The following ZBTB1 variants were observed in gnomAD, a reference collection of about 807,000 sequenced individuals.
ZBTB1 encodes zinc finger and BTB domain-containing protein 1.
A neutral mutation model predicts 51.6 loss-of-function variants in ZBTB1; 13 were observed. That is an observed-to-expected ratio of 0.25 (90% confidence interval 0.16 to 0.40). The LOEUF is 0.40. Among genes scored for constraint, ZBTB1 ranks in the 10% least tolerant of loss-of-function variants. The pLI is 1.00. For synonymous variants in ZBTB1, 240 were observed against 282.2 expected (o/e 0.85, Z 1.50); for missense variants, 567 against 856.5 (o/e 0.66, Z 4.22).
chr14:64,521,300 G>C (rs2079857821), intron 1 of ZBTB1, among the ~76,000 whole-genome samples, 187 bp from the exon 2 acceptor site: 1 of 152,054 alleles, frequency 6.6e-6, no homozygotes, highest in African/African-American at 2.4e-5. Flanking sequence ...TGAATAAATG[G>C]CTGGATGTCT....
At chr14:64,504,680 G>A, upstream of ZBTB1, 1 of 357,492 alleles carries the variant, frequency 2.8e-6, no homozygotes. Context: ...ACGCCGCAGC[G>A]AACTGGTGGG....
chr14:64,506,521 G>A (rs1194252948), intron 1 of ZBTB1, among the ~76,000 whole-genome samples: 1 of 152,148 alleles, frequency 6.6e-6, no homozygotes, highest in Non-Finnish European at 1.5e-5. Flanking sequence ...CAACAAGAGC[G>A]AGACTCTGTC....
chr14:64,524,619 C>T lies in ZBTB1; in HGVS notation c.*973C>T, dbSNP rs905990200. ...AAAGCTTCCATGTATATTGATAAAT[C>T]TAATAAAATAAAGAGATCAATTATA... On this transcript the variant is annotated 3_prime_UTR_variant, in exon 2 of 2. Transcript: ENST00000683701. The T allele has an allele frequency of 6.1e-6, 6 of 981,614 alleles. No individual in the cohort carries two copies. Among genetic ancestry groups the T allele is most frequent in the Non-Finnish European group, 7.3e-6 (6 of 826,716 alleles). 60.8% of individuals were successfully genotyped at this position (981,614 alleles called of 1,614,324 possible).
At chr14:64,520,484 T>G (rs2079849515) in intron 1 of ZBTB1, among the ~76,000 whole-genome samples, 1 of 152,066 alleles carries the variant, frequency 6.6e-6, no homozygotes. Flanking sequence ...GGCTAATGTT[T>G]TTTTGTTTTG....
At chr14:64,531,133 A>G (rs976329634) in intron 2 of ZBTB1, among the ~76,000 whole-genome samples, 6 of 152,226 alleles carry the variant, frequency 3.9e-5, no homozygotes, top group African/African-American at 1.4e-4. Context: ...CCTTAAACTA[A>G]CTGCTCATAT....
chr14:64,521,229 G>C (rs2079857258), intron 1 of ZBTB1, among the ~76,000 whole-genome samples: 1 of 152,110 alleles, frequency 6.6e-6, no homozygotes, highest in South Asian at 2.1e-4. Context: ...TTCCCCCCAA[G>C]AGTTGTAATG....
downstream of ZBTB1, chr14:64,525,066 C>G: frequency 2.5e-6 from 1 of 394,072 alleles, no homozygotes; most frequent in East Asian, 1.6e-4. Context: ...AATAGCATTG[C>G]TCTTTTTGTT....
At chr14:64,518,266 T>G (rs771190755) in intron 1 of ZBTB1, 1 of 152,228 alleles carries the variant, frequency 6.6e-6, no homozygotes, top group Non-Finnish European at 1.5e-5. Context: ...TGTGCATACA[T>G]TGCTTTTTGT....
intron 1 of ZBTB1, among the ~76,000 whole-genome samples, chr14:64,507,109 A>G (rs1348457463): frequency 6.6e-6 from 1 of 152,188 alleles, no homozygotes; most frequent in East Asian, 1.9e-4. Context: ...TTTGGTGCAA[A>G]GGAGAGGAAA....
chr14:64,506,640 T>G (rs1157243682), intron 1 of ZBTB1, among the ~76,000 whole-genome samples: 2 of 152,252 alleles, frequency 1.3e-5, no homozygotes, highest in Non-Finnish European at 2.9e-5. Flanking sequence ...GAGTCTTCAG[T>G]TAACCTCTTA....
At chr14:64,519,727 A>G (rs1261545519) in intron 1 of ZBTB1, among the ~76,000 whole-genome samples, 3 of 151,446 alleles carry the variant, frequency 2.0e-5, no homozygotes, top group East Asian at 3.9e-4. Flanking sequence ...GCAGTTAGCT[A>G]TGATCATGCC....
chr14:64,508,495 A>C (rs1282604648), intron 1 of ZBTB1, among the ~76,000 whole-genome samples: 1 of 152,194 alleles, frequency 6.6e-6, no homozygotes, highest in Non-Finnish European at 1.5e-5. Flanking sequence ...GGAGGCTTAG[A>C]ATGTTCCAAA....
chr14:64,507,752 T>A lies in ZBTB1; in HGVS notation c.-19+2806T>A, dbSNP rs149502837. On this transcript the variant is annotated intron_variant, in intron 1 of 1. Transcript: ENST00000683701. ...TCATGGTGGGCTATTTTTCATACTT[T>A]GTTCATGTTAATGTTGTTGCCCAGC... Among the ~76,000 whole-genome samples the A allele has an allele frequency of 1.0e-2, 1,519 of 152,350 alleles. 21 individuals carry two copies. Among genetic ancestry groups the A allele is most frequent in the South Asian group, 0.066 (318 of 4,830 alleles).
rs1477557227 is a variant in ZBTB1 at position 64,522,494 on chromosome 14, G to A, written c.990G>A (p.Glu330=). The A allele has an allele frequency of 3.1e-6, 5 of 1,614,116 alleles. No homozygotes were observed. The highest frequency in any genetic ancestry group is 1.7e-5 in the Admixed American group (1 of 60,014). ...AERKRIIIKM[E]PEDIPTDELK... Reference sequence around the variant, plus strand: ...GGAAAAGGATTATTATTAAGATGGAGCCAGAAGATATTCCTACAGATGAAC... The same window carrying A: ...GGAAAAGGATTATTATTAAGATGGAACCAGAAGATATTCCTACAGATGAAC... Residue 330 remains glutamate, a synonymous_variant, in exon 2 of 2, where the codon GAG becomes GAA. Coordinates refer to ENST00000683701, the MANE Select transcript of ZBTB1 (RefSeq NM_001123329.2).
At position 64,522,266 on chromosome 14, in the gene ZBTB1, A is replaced by G; in HGVS notation, c.762A>G (p.Val254=). The stretch of plus-strand genomic sequence containing the variant: ...ACACAAGATCTTACCATAGAATAGT[A>G]GATATTAGAGATGGAAAAGACAGTA... ...YQNTRSYHRI[V]DIRDGKDSNI... Residue 254 remains valine (V), a synonymous_variant, in exon 2 of 2, where the codon GTA becomes GTG. Coordinates refer to ENST00000683701, the MANE Select transcript of ZBTB1 (RefSeq NM_001123329.2). 6.2e-7 allele frequency: 1 copy of G among 1,614,216 alleles called. No individual in the cohort carries two copies. Among genetic ancestry groups the G allele is most frequent in the African/African-American group, 1.3e-5 (1 of 75,072 alleles).
chr14:64,506,359 C>T (rs2079655606), intron 1 of ZBTB1, among the ~76,000 whole-genome samples: 1 of 152,138 alleles, frequency 6.6e-6, no homozygotes, highest in Non-Finnish European at 1.5e-5. Flanking sequence ...ATGGCGAAAC[C>T]CCATCTCTAC....
downstream of ZBTB1, among the ~76,000 whole-genome samples, chr14:64,528,029 A>G (rs1269201216): frequency 6.6e-6 from 1 of 151,942 alleles, no homozygotes; most frequent in Non-Finnish European, 1.5e-5. Context: ...TTTATATTCT[A>G]AAAAAAAGTA....
intron 1 of ZBTB1, 82 bp downstream of exon 1, chr14:64,505,028 CGG>C (rs2079620895): frequency 2.6e-6 from 1 of 382,424 alleles, no homozygotes. Context: ...TGGCGGAGTG[CGG>C]GGCCGGAGGG....
chr14:64,518,699 A>G (rs1463077728), intron 1 of ZBTB1, among the ~76,000 whole-genome samples: 4 of 152,002 alleles, frequency 2.6e-5, no homozygotes, highest in Non-Finnish European at 5.9e-5. Flanking sequence ...TAAGTAGAAG[A>G]TAGATTCTGA....
Sources: gnomAD v4.1 joint callset for allele counts (sites outside exome capture counted in the v4.1 genomes callset) on GRCh38, gnomAD v4.1.1 for gene constraint, MANE v1.5 for transcripts, NCBI Gene and HGNC (gene_info 2026-07-23, HGNC 2026-07-21) for gene names.